Variants in SETD4 observed in about 807,000 individuals in gnomAD.
The protein encoded by SETD4 is SET domain-containing protein 4.
In SETD4, 46 loss-of-function variants were observed where a neutral mutation model predicts 58.3. The ratio of observed to expected loss-of-function variants is 0.79; its 90% CI spans 0.62 to 1.01. The LOEUF (loss-of-function observed/expected upper bound fraction) is 1.01, where lower values mean the gene tolerates loss of function less well. SETD4 is among the 50% of genes least tolerant of loss of function. The probability of loss-of-function intolerance (pLI) is 0.00; values close to 1 mark genes in which losing one functional copy is unlikely to be tolerated. For synonymous variants in SETD4, 190 were observed against 202.6 expected, an observed-to-expected ratio of 0.94 and a Z score of 0.53; for missense variants, 490 against 523.3, an observed-to-expected ratio of 0.94 and a Z score of 0.62.
intron 9 of SETD4, among the ~76,000 whole-genome samples, chr21:36,040,186 TC>T (rs2063980010): frequency 6.6e-6 from 1 of 152,150 alleles, no homozygotes; most frequent in Admixed American, 6.5e-5. Context: ...TTTCTGGATC[TC>T]CCCCAGGGCA....
chr21:36,038,900 G>A (rs1047770369), intron 9 of SETD4, among the ~76,000 whole-genome samples: 2 of 152,150 alleles, frequency 1.3e-5, no homozygotes, highest in Admixed American at 6.5e-5. Context: ...CGGAGCAGAG[G>A]TGGCAGCGCC....
chr21:36,045,343 C>T (rs151055949), intron 6 of SETD4, among the ~76,000 whole-genome samples: 2 of 152,254 alleles, frequency 1.3e-5, no homozygotes, highest in East Asian at 1.9e-4. Context: ...GGATGCAGCA[C>T]GAGGCTCTGT....
At chr21:36,050,584 C>T in intron 4 of SETD4, 2 of 1,613,788 alleles carry the variant, frequency 1.2e-6, no homozygotes, top group Non-Finnish European at 1.7e-6. Context: ...CAAGAGTTGG[C>T]TGGCCATGGT....
intron 4 of SETD4, chr21:36,051,483 G>A (rs1432124995): frequency 1.5e-6 from 2 of 1,350,562 alleles, no homozygotes; most frequent in Non-Finnish European, 1.9e-6. Context: ...TGCTCAGGAA[G>A]ATGAGAGAAA....
intron 9 of SETD4, among the ~76,000 whole-genome samples, chr21:36,038,555 A>G (rs1223384562): frequency 6.6e-6 from 1 of 152,116 alleles, no homozygotes; most frequent in Non-Finnish European, 1.5e-5. Context: ...CCTGTGTCTG[A>G]CCCATGAGTG....
At chr21:36,053,737 G>A in intron 3 of SETD4, 117 bp from the exon 4 acceptor site, 1 of 1,004,558 alleles carries the variant, frequency 1.0e-6, no homozygotes, top group Non-Finnish European at 1.5e-6. Flanking sequence ...GAAGCTGGAT[G>A]TCTCTCAGCC....
rs1255573094 is a variant in SETD4 at position 36,058,921 on chromosome 21, A to G, written c.-33T>C. 2 of 1,553,530 alleles carry G rather than the reference A, an allele frequency of 1.3e-6. No homozygotes were observed. Among genetic ancestry groups the G allele is most frequent in the African/African-American group, 2.8e-5 (2 of 71,998 alleles). On this transcript the variant is annotated 5_prime_UTR_variant, in exon 2 of 12. Coordinates refer to ENST00000332131, the MANE Select transcript of SETD4 (RefSeq NM_017438.5). ...CTGTAGTTTCTTTTTTCTGAAATACAGTTCTATTTTTTCAAAAAGGACAAA... is the reference window on the plus strand; with the variant it reads ...CTGTAGTTTCTTTTTTCTGAAATACGGTTCTATTTTTTCAAAAAGGACAAA...
chr21:36,041,386 G>A (rs1172178233), intron 8 of SETD4, among the ~76,000 whole-genome samples: 1 of 152,028 alleles, frequency 6.6e-6, no homozygotes, highest in Non-Finnish European at 1.5e-5. Flanking sequence ...GGAGAGCCTT[G>A]AACCCTGTTT....
chr21:36,054,348 G>C (rs2064870812), intron 3 of SETD4, among the ~76,000 whole-genome samples: 2 of 152,254 alleles, frequency 1.3e-5, no homozygotes, highest in Non-Finnish European at 2.9e-5. Flanking sequence ...GGAACAGTCA[G>C]ACAAACATTG....
chr21:36,041,135 G>A (rs1055492818), intron 8 of SETD4, among the ~76,000 whole-genome samples: 4 of 121,348 alleles, frequency 3.3e-5, no homozygotes, highest in Admixed American at 1.1e-4. Context: ...ACTCCAGCCT[G>A]GGCGACAGAG....
At position 36,040,611 on chromosome 21, in the gene SETD4, G is replaced by C; in HGVS notation, c.1028C>G (p.Thr343Arg). The C allele has an allele frequency of 1.9e-6, 3 of 1,613,944 alleles. No homozygotes were observed. The highest frequency in any genetic ancestry group is 1.6e-4 in the Middle Eastern group (1 of 6,062). The change falls in exon 9 of 12, where the codon ACA becomes AGA. Residue 343 changes from threonine to arginine, a missense_variant. Thr to Arg is a moderately conservative substitution (Grantham distance 71, BLOSUM62 -1). Coordinates refer to ENST00000332131, the MANE Select transcript of SETD4 (RefSeq NM_017438.5). ...GWDGPSWRLL[T>R]ALKLLCLEAE... Reference sequence around the variant, plus strand: ...TTCCAGACATAACAACTTAAGGGCTGTGAGTAGCCTCCAAGATGGTCCATC... The same window carrying C: ...TTCCAGACATAACAACTTAAGGGCTCTGAGTAGCCTCCAAGATGGTCCATC...
In SETD4 at chr21:36,043,831, G is replaced by C; in HGVS notation, c.852C>G (p.Tyr284Ter). 2 of 1,614,188 alleles carry C rather than the reference G, an allele frequency of 1.2e-6. No individual in the cohort carries two copies. The highest frequency in any genetic ancestry group is 3.3e-4 in the Middle Eastern group (2 of 6,062). The change falls in exon 7 of 12, where the codon TAC (tyrosine) becomes TAG (stop). Residue 284 changes from tyrosine to a stop codon, truncating the protein, a stop_gained. Transcript: ENST00000332131. LOFTEE classifies it high-confidence loss of function. ...GAGGATTATGGACAGAAACAAATCC[G>C]TATTCCAGGAACAGCCGTTGATTAT... ...PHDNQRLFLEYGFVSVHNPHA... is the reference protein window; with the variant it reads ...PHDNQRLFLE
chr21:36,043,358 G>T (rs181295176), intron 7 of SETD4: 3 of 587,488 alleles, frequency 5.1e-6, no homozygotes, highest in African/African-American at 4.0e-5. Context: ...CAGAAACAAG[G>T]ACTATAGGTA....
intron 1 of SETD4, 135 bp downstream of exon 1, chr21:36,060,212 G>T (rs75196102): frequency 0.046 from 36,777 of 791,866 alleles, 962 homozygotes; most frequent in Non-Finnish European, 0.052. Context: ...GATAATGCCT[G>T]CCCTGGAGGG....
At chr21:36,048,056 AGAGGGAGGGAGGGAGGGAAGGAGGGAAG>A (rs951926335) in intron 5 of SETD4, among the ~76,000 whole-genome samples, 5 of 104,636 alleles carry the variant, frequency 4.8e-5, no homozygotes, top group African/African-American at 1.5e-4. Context: ...AGGAAGGAAG[AGAGGGAGGGAGGGAGGGAAGGAGGGAAG>A]GAGGGAGGGA....
At chr21:36,053,755 C>T in intron 3 of SETD4, 135 bp from the exon 4 acceptor site, 1 of 853,196 alleles carries the variant, frequency 1.2e-6, no homozygotes, top group East Asian at 2.6e-5. Context: ...GCCTTTGATT[C>T]CCAGGGGAAA....
chr21:36,042,215 G>A (rs1307922616), intron 7 of SETD4: 4 of 171,236 alleles, frequency 2.3e-5, no homozygotes, highest in Non-Finnish European at 4.9e-5. Flanking sequence ...CAAAAGTAGA[G>A]GCCCTGCAAA....
intron 4 of SETD4, 97 bp downstream of exon 4, chr21:36,053,486 T>C: frequency 8.6e-7 from 1 of 1,159,406 alleles, no homozygotes; most frequent in Non-Finnish European, 1.3e-6. Flanking sequence ...AAGAAATGAC[T>C]GTATGTCTGA....
intron 1 of SETD4, 141 bp downstream of exon 1, chr21:36,060,206 A>C: frequency 4.8e-6 from 4 of 833,240 alleles, no homozygotes; most frequent in Non-Finnish European, 5.8e-6. Flanking sequence ...GCACACGATA[A>C]TGCCTGCCCT....
Sources: allele counts gnomAD v4.1 joint callset (sites outside exome capture counted in the v4.1 genomes callset), GRCh38; gene constraint gnomAD v4.1.1; transcripts MANE v1.5; gene names NCBI Gene and HGNC (gene_info 2026-07-23, HGNC 2026-07-21).